ABCE1: variants seen among roughly 807,000 people sequenced by gnomAD.
ABCE1 encodes ATP binding cassette subfamily E member 1, also known as ATP-binding cassette sub-family E member 1.
In ABCE1, 22 loss-of-function variants were observed where a neutral mutation model predicts 83.4. That is an observed-to-expected ratio of 0.26 (90% confidence interval 0.19 to 0.38). The LOEUF (loss-of-function observed/expected upper bound fraction) is 0.38, where lower values mean the gene tolerates loss of function less well. ABCE1 is among the 10% of genes least tolerant of loss of function. The pLI, the probability that ABCE1 is intolerant of heterozygous loss-of-function variation, is 1.00. For synonymous variants in ABCE1, 204 were observed against 233.7 expected, an observed-to-expected ratio of 0.87 and a Z score of 1.16; for missense variants, 330 against 721.9, an observed-to-expected ratio of 0.46 and a Z score of 6.22.
intron 1 of ABCE1, among the ~76,000 whole-genome samples, chr4:145,103,572 C>A (rs1749213204): frequency 6.6e-6 from 1 of 152,142 alleles, no homozygotes; most frequent in Non-Finnish European, 1.5e-5. Flanking sequence ...CTTTTAATTT[C>A]ATTGCTATTA....
In ABCE1 at chr4:145,127,727, T is replaced by C; in HGVS notation, c.*154T>C. On this transcript the variant is annotated 3_prime_UTR_variant, in exon 18 of 18. Coordinates refer to ENST00000296577, the MANE Select transcript of ABCE1 (RefSeq NM_002940.3). ...ATAACATAAAAAGCCAGTTGGGTTC[T>C]AAATTGTAGTTGAAACACAGAAAAT... 2.0e-6 allele frequency: 1 copy of C among 505,940 alleles called. No individual in the cohort carries two copies. The highest frequency in any genetic ancestry group is 3.9e-5 in the South Asian group (1 of 25,428). The allele number at this position is 505,940 out of a possible 1,614,324, so 31.3% of individuals were successfully genotyped here.
At chr4:145,107,564 A>G (rs778166642) in intron 3 of ABCE1, among the ~76,000 whole-genome samples, 12 of 152,212 alleles carry the variant, frequency 7.9e-5, no homozygotes, top group Non-Finnish European at 1.5e-4. Flanking sequence ...ATTATACCCA[A>G]CACTAAAGGG....
rs1483499630 is a variant in ABCE1, at chr4:145,105,792, A to C, written c.189+102A>C. On this transcript the variant is annotated intron_variant, in intron 3 of 17. Transcript: ENST00000296577. ...ACTACTTTAAGTGAGGCAAAGTATA[A>C]AGCAAATGAATAGAGAATGTAAATT... The C allele has an allele frequency of 5.0e-6, 3 of 599,156 alleles. No individual in the cohort carries two copies. In the Admixed American group the frequency reaches 9.6e-5, roughly 19 times the overall value. 37.1% of individuals were successfully genotyped at this position (599,156 alleles called of 1,614,324 possible).
chr4:145,101,403 T>C (rs1259301154), intron 1 of ABCE1, among the ~76,000 whole-genome samples: 2 of 152,190 alleles, frequency 1.3e-5, no homozygotes, highest in Non-Finnish European at 2.9e-5. Flanking sequence ...CAGAGGCTGA[T>C]CAATGCCTCA....
intron 17 of ABCE1, 129 bp from the exon 18 acceptor site, chr4:145,127,397 T>A: frequency 1.4e-6 from 1 of 731,606 alleles, no homozygotes; most frequent in Admixed American, 3.2e-5. Flanking sequence ...CAGAAACAGA[T>A]GGTATGTGCA....
chr4:145,118,827 G>A (rs1303321931), intron 10 of ABCE1, among the ~76,000 whole-genome samples: 2 of 151,816 alleles, frequency 1.3e-5, no homozygotes, highest in East Asian at 3.9e-4. Context: ...ATTATGGTTT[G>A]AACTCATTTT....
intron 1 of ABCE1, among the ~76,000 whole-genome samples, chr4:145,102,457 A>G (rs1749178471): frequency 6.6e-6 from 1 of 152,172 alleles, no homozygotes; most frequent in African/African-American, 2.4e-5. Flanking sequence ...ATTCTTATGG[A>G]ATGTCTTCTA....
chr4:145,104,321 C>T (rs1256082544), intron 1 of ABCE1, 65 bp from the exon 2 acceptor site: 4 of 582,324 alleles, frequency 6.9e-6, no homozygotes, highest in Non-Finnish European at 5.7e-6. Context: ...GTTTTCCTGT[C>T]TTTCATGTAT....
In ABCE1 at chr4:145,121,320, C is replaced by T. The variant is rs944134473; in HGVS notation, c.1205-13C>T. 2 of 1,612,812 alleles carry T rather than the reference C, an allele frequency of 1.2e-6. No individual in the cohort carries two copies. The highest frequency in any genetic ancestry group is 4.5e-5 in the East Asian group (2 of 44,766). ...GCAGTTTTTAGTGTCTTATGTATTT[C>T]ATTATTTTGCAGGAGAAGTACCAGT... On this transcript the variant is annotated splice_polypyrimidine_tract_variant and intron_variant, in intron 12 of 17. Coordinates refer to ENST00000296577, the MANE Select transcript of ABCE1 (RefSeq NM_002940.3).
rs961909890 is a variant in ABCE1, at chr4:145,129,124, T to G, written c.*1551T>G. The G allele has an allele frequency of 2.0e-5, 3 of 152,182 alleles. No individual in the cohort carries two copies. Among genetic ancestry groups the G allele is most frequent in the Non-Finnish European group, 2.9e-5 (2 of 68,018 alleles). 9.4% of individuals were successfully genotyped at this position (152,182 alleles called of 1,614,324 possible). ...AAGGATAGGTTAAATTTGTGAATGA[T>G]CATTTCAAATATATTGAATAAAATA... is the stretch of plus-strand genomic sequence containing the variant. On this transcript the variant is annotated 3_prime_UTR_variant, in exon 18 of 18. Coordinates refer to ENST00000296577, the MANE Select transcript of ABCE1 (RefSeq NM_002940.3).
At chr4:145,112,728 A>G (rs541971983) in intron 9 of ABCE1, among the ~76,000 whole-genome samples, 67 of 152,340 alleles carry the variant, frequency 4.4e-4, no homozygotes, top group Middle Eastern at 3.4e-3. Flanking sequence ...AAAAGAAAAG[A>G]AAATTATCAT....
At chr4:145,125,226 G>A in intron 17 of ABCE1, 125 bp downstream of exon 17, 2 of 631,744 alleles carry the variant, frequency 3.2e-6, no homozygotes, top group Non-Finnish European at 5.3e-6. Context: ...AAGCACTTTT[G>A]GGAGGCCAAG....
intron 17 of ABCE1, 54 bp downstream of exon 17, chr4:145,125,155 T>G: frequency 1.6e-6 from 2 of 1,269,732 alleles, no homozygotes; most frequent in South Asian, 1.2e-5. Flanking sequence ...TATAAACACT[T>G]GAAAGGCTAT....
At chr4:145,102,229 A>G (rs1421724194) in intron 1 of ABCE1, among the ~76,000 whole-genome samples, 1 of 152,214 alleles carries the variant, frequency 6.6e-6, no homozygotes, top group Non-Finnish European at 1.5e-5. Flanking sequence ...TTTTGATTAA[A>G]TGATGGGCTC....
chr4:145,101,119 G>C (rs1749143564), intron 1 of ABCE1, among the ~76,000 whole-genome samples: 2 of 152,138 alleles, frequency 1.3e-5, no homozygotes, highest in Admixed American at 1.3e-4. Context: ...GAGCTAGGGA[G>C]AAAAATAAAG....
chr4:145,105,723 G>A (rs1208592985), intron 3 of ABCE1, 33 bp downstream of exon 3: 4 of 1,469,548 alleles, frequency 2.7e-6, no homozygotes, highest in Admixed American at 1.8e-5. Flanking sequence ...GATCAAACGT[G>A]TAACCTAAAA....
rs375339528 is a variant in ABCE1, at chr4:145,110,928, G to A, written c.614-40G>A. 6.5e-6 allele frequency: 9 copies of A among 1,377,570 alleles called. No homozygotes were observed. The African/African-American group carries it at 1.2e-4, about 18-fold the overall frequency. The allele number at this position is 1,377,570 out of a possible 1,614,324, so 85.3% of individuals were successfully genotyped here. A position where few individuals can be genotyped will look rare whatever the true frequency, so the allele number is the denominator to read the frequency against. On this transcript the variant is annotated intron_variant, in intron 7 of 17. Transcript: ENST00000296577. ...GCAGTATACTTTTTACCTGGAAGAG[G>A]TGAAATACATTGAGCACAATGCCTC...
chr4:145,110,953 C>G lies in ABCE1; in HGVS notation c.614-15C>G. ...GTGAAATACATTGAGCACAATGCCT[C>G]TATGTTCTTTGTAGATTTAACCCAC... is the stretch of plus-strand genomic sequence containing the variant. On this transcript the variant is annotated splice_polypyrimidine_tract_variant and intron_variant, in intron 7 of 17. Coordinates refer to ENST00000296577, the MANE Select transcript of ABCE1 (RefSeq NM_002940.3). 3 of 1,578,044 alleles carry G rather than the reference C, an allele frequency of 1.9e-6. No homozygotes were observed. The highest frequency in any genetic ancestry group is 2.6e-6 in the Non-Finnish European group (3 of 1,155,102).
Position 145,110,083 on chromosome 4 carries a change from T to A in ABCE1, c.406-20T>A. On this transcript the variant is annotated intron_variant, in intron 5 of 17. Transcript: ENST00000296577. ...GTATTATTAAATTCACATGATTCTG[T>A]ATTTTTTTTTTTTTTTTAGGATCCT... 6.6e-7 allele frequency: 1 copy of A among 1,521,932 alleles called. No individual in the cohort carries two copies. Among genetic ancestry groups the A allele is most frequent in the Non-Finnish European group, 8.8e-7 (1 of 1,130,160 alleles). 94.3% of individuals were successfully genotyped at this position (1,521,932 alleles called of 1,614,324 possible).
Sources: allele counts gnomAD v4.1 joint callset (sites outside exome capture counted in the v4.1 genomes callset), GRCh38; gene constraint gnomAD v4.1.1; transcripts MANE v1.5; gene names NCBI Gene and HGNC (gene_info 2026-07-23, HGNC 2026-07-21).